KANSL1: variants seen among roughly 807,000 people sequenced by gnomAD.
KANSL1 encodes the protein MLL1/MLL complex subunit KANSL1.
In KANSL1, 22 loss-of-function variants were observed where a neutral mutation model predicts 103.6. The ratio of observed to expected loss-of-function variants is 0.21; its 90% CI spans 0.15 to 0.30. The LOEUF is 0.30. Among genes scored for constraint, KANSL1 ranks in the 10% least tolerant of loss-of-function variants. The pLI, the probability that KANSL1 is intolerant of heterozygous loss-of-function variation, is 1.00. For missense variants in KANSL1, 1,337 were observed against 1,399.8 expected, an observed-to-expected ratio of 0.96 and a Z score of 0.72; for synonymous variants, 600 against 527.6, an observed-to-expected ratio of 1.14 and a Z score of -1.88.
intron 1 of KANSL1, among the ~76,000 whole-genome samples, chr17:46,190,434 G>A (rs1305371622): frequency 6.6e-6 from 1 of 152,174 alleles, no homozygotes; most frequent in African/African-American, 2.4e-5. Flanking sequence ...AGTCAAATAC[G>A]AATGTTCTGA....
chr17:46,091,696 T>C (rs1252013412), intron 3 of KANSL1, among the ~76,000 whole-genome samples: 14 of 152,218 alleles, frequency 9.2e-5, no homozygotes, highest in Non-Finnish European at 1.8e-4. Flanking sequence ...GTATTCAGTA[T>C]AGTAGCATGA....
chr17:46,136,407 G>T (rs955023870), intron 2 of KANSL1, among the ~76,000 whole-genome samples: 1 of 152,178 alleles, frequency 6.6e-6, no homozygotes, highest in African/African-American at 2.4e-5. Context: ...ATCCTTCTTA[G>T]TAGTATATAG....
intron 1 of KANSL1, among the ~76,000 whole-genome samples, chr17:46,173,823 AG>A (rs1222338693): frequency 6.6e-6 from 1 of 152,228 alleles, no homozygotes; most frequent in Non-Finnish European, 1.5e-5. Flanking sequence ...TTGAGCCTTT[AG>A]TGCATTTTTT....
At chr17:46,033,626 C>G in intron 11 of KANSL1, 166 bp from the exon 12 acceptor site, 1 of 645,082 alleles carries the variant, frequency 1.6e-6, no homozygotes, top group East Asian at 2.7e-5. Context: ...CTGTCAAGGC[C>G]TGTGAAATTG....
At chr17:46,045,363 T>C (rs1234418153) in intron 7 of KANSL1, 2 of 151,526 alleles carry the variant, frequency 1.3e-5, no homozygotes, top group Non-Finnish European at 3.0e-5. Flanking sequence ...GACATGGTAA[T>C]CAGGTCTTCA....
chr17:46,184,207 G>A (rs942689222), intron 1 of KANSL1, among the ~76,000 whole-genome samples: 1 of 152,252 alleles, frequency 6.6e-6, no homozygotes, highest in African/African-American at 2.4e-5. Flanking sequence ...GTCAAGGAAG[G>A]CTTCTAGAAA....
At chr17:46,146,928 G>A (rs2044740355) in intron 2 of KANSL1, among the ~76,000 whole-genome samples, 1 of 151,944 alleles carries the variant, frequency 6.6e-6, no homozygotes, top group Non-Finnish European at 1.5e-5. Context: ...ATCTGGCTGG[G>A]CACAGTGGTG....
intron 6 of KANSL1, among the ~76,000 whole-genome samples, chr17:46,063,539 G>C (rs527653438): frequency 1.3e-5 from 2 of 152,324 alleles, no homozygotes; most frequent in South Asian, 4.1e-4. Context: ...CTTTCTGCTA[G>C]ATCTAGTACA....
At position 46,146,437 on chromosome 17, in the gene KANSL1, C is replaced by T. The variant is rs143843662; in HGVS notation, c.1289+24418G>A. Among the ~76,000 whole-genome samples, 262 of 152,330 alleles carry T rather than the reference C, an allele frequency of 1.7e-3. 1 individual carries two copies. The highest frequency in any genetic ancestry group is 3.5e-3 in the Admixed American group (54 of 15,310). ...TGATAGTCCAGGGCTCTTTCCTCTA[C>T]ACTGATCCTAAATTGAAAAAAAAAA... On this transcript the variant is annotated intron_variant, in intron 2 of 14. Coordinates refer to ENST00000432791, the MANE Select transcript of KANSL1 (RefSeq NM_015443.4).
chr17:46,082,242 T>C (rs572075632), intron 4 of KANSL1, among the ~76,000 whole-genome samples, 199 bp downstream of exon 4: 3 of 152,184 alleles, frequency 2.0e-5, no homozygotes, highest in Non-Finnish European at 4.4e-5. Flanking sequence ...TTTAATCCTA[T>C]GGTCAGCTAC....
intron 6 of KANSL1, among the ~76,000 whole-genome samples, chr17:46,054,976 G>A (rs1453575662): frequency 4.0e-5 from 6 of 150,416 alleles, no homozygotes; most frequent in Admixed American, 2.0e-4. Context: ...TCAGCCTCCC[G>A]AGTAGCTGGG....
chr17:46,084,045 C>T (rs2079073036), intron 3 of KANSL1, among the ~76,000 whole-genome samples: 1 of 150,246 alleles, frequency 6.7e-6, no homozygotes, highest in African/African-American at 2.4e-5. Flanking sequence ...AGCACTGCCT[C>T]CCTATTCTGG....
chr17:46,096,728 C>A (rs2042102878), intron 2 of KANSL1, among the ~76,000 whole-genome samples: 1 of 151,700 alleles, frequency 6.6e-6, no homozygotes, highest in South Asian at 2.1e-4. Context: ...ACGCCATTCT[C>A]CTGCCTCAGC....
Position 46,139,517 on chromosome 17 carries a change from G to T in KANSL1, c.1289+31338C>A, listed in dbSNP as rs184494216. On this transcript the variant is annotated intron_variant, in intron 2 of 14. Coordinates refer to ENST00000432791, the MANE Select transcript of KANSL1 (RefSeq NM_015443.4). Reference sequence around the variant, plus strand: ...GCACATGTGTACTCAAGCATTCAATGAATTGCTTATTATGTACTACTCAGC... The same window carrying T: ...GCACATGTGTACTCAAGCATTCAATTAATTGCTTATTATGTACTACTCAGC... Among the ~76,000 whole-genome samples the T allele has an allele frequency of 3.9e-5, 6 of 152,256 alleles. No homozygotes were observed. The East Asian group carries it at 1.2e-3, about 29-fold the overall frequency.
chr17:46,135,815 G>T (rs1233608845), intron 2 of KANSL1, among the ~76,000 whole-genome samples: 1 of 150,854 alleles, frequency 6.6e-6, no homozygotes, highest in Non-Finnish European at 1.5e-5. Flanking sequence ...ATAGGTGTGA[G>T]CCACTGCACC....
At chr17:46,135,541 C>CTTTTTTTT (rs2044089125) in intron 2 of KANSL1, among the ~76,000 whole-genome samples, 5 of 117,640 alleles carry the variant, frequency 4.3e-5, no homozygotes, top group South Asian at 2.5e-4. Context: ...CTCAACTATA[C>CTTTTTTTT]ATTTTTTTTT....
At chr17:46,141,791 A>G (rs1403184493) in intron 2 of KANSL1, among the ~76,000 whole-genome samples, 1 of 152,266 alleles carries the variant, frequency 6.6e-6, no homozygotes, top group Non-Finnish European at 1.5e-5. Flanking sequence ...TGGTTTTGAG[A>G]TACTAGTCAG....
intron 1 of KANSL1, among the ~76,000 whole-genome samples, chr17:46,181,878 C>T (rs1369633042): frequency 6.6e-6 from 1 of 151,894 alleles, no homozygotes; most frequent in Non-Finnish European, 1.5e-5. Context: ...GAAGGTCCTT[C>T]TTCTACTTTT....
chr17:46,136,417 G>T (rs979327157), intron 2 of KANSL1, among the ~76,000 whole-genome samples: 1 of 152,304 alleles, frequency 6.6e-6, no homozygotes, highest in East Asian at 1.9e-4. Context: ...GTAGTATATA[G>T]AGACGGACCA....
Sources: allele counts gnomAD v4.1 joint callset (sites outside exome capture counted in the v4.1 genomes callset), GRCh38; gene constraint gnomAD v4.1.1; transcripts MANE v1.5; gene names NCBI Gene and HGNC (gene_info 2026-07-23, HGNC 2026-07-21).